CDIN1: variants seen among roughly 807,000 people sequenced by gnomAD.
CDIN1 encodes CDAN1-interacting nuclease 1.
In CDIN1, 33 loss-of-function variants were observed where a neutral mutation model predicts 45.3. That is an observed-to-expected ratio of 0.73 (90% CI 0.55 to 0.97). The LOEUF is 0.97. Among genes scored for constraint, CDIN1 ranks in the 50% least tolerant of loss-of-function variants. The pLI is 0.00. For missense variants in CDIN1, 303 were observed against 339.4 expected (o/e 0.89, Z 0.84); for synonymous variants, 118 against 124.4 (o/e 0.95, Z 0.34).
chr15:36,663,638 G>T (rs568865169), intron 5 of CDIN1, among the ~76,000 whole-genome samples: 1 of 152,074 alleles, frequency 6.6e-6, no homozygotes, highest in Non-Finnish European at 1.5e-5. Flanking sequence ...CACCATCATC[G>T]TGCTGAACTG....
chr15:36,709,135 TA>T, intron 8 of CDIN1, 87 bp from the exon 9 acceptor site: 2 of 1,109,632 alleles, frequency 1.8e-6, no homozygotes, highest in Non-Finnish European at 2.5e-6. Context: ...TAGTAATTTT[TA>T]TACATATTTA....
chr15:36,584,359 TG>T (rs747792547), intron 1 of CDIN1, among the ~76,000 whole-genome samples: 5 of 152,136 alleles, frequency 3.3e-5, no homozygotes, highest in Non-Finnish European at 5.9e-5. Context: ...TGCTTAAGCC[TG>T]GGAGTTTGAG....
At chr15:36,793,424 G>A (rs1406598175) in intron 10 of CDIN1, among the ~76,000 whole-genome samples, 2 of 152,072 alleles carry the variant, frequency 1.3e-5, no homozygotes, top group Admixed American at 6.6e-5. Context: ...AGTCCCTCCC[G>A]TGTTATCTTA....
chr15:36,696,289 C>T (rs1255413021), intron 7 of CDIN1: 1 of 152,228 alleles, frequency 6.6e-6, no homozygotes, highest in African/African-American at 2.4e-5. Flanking sequence ...CCTCTGTACC[C>T]ACACCCTAAT....
rs778988517 is a variant in CDIN1 at position 36,659,966 on chromosome 15, C to CT, written c.346+2079dup. 5.0e-3 allele frequency among the ~76,000 whole-genome samples: 524 copies of CT among 105,118 alleles called. 12 individuals carry two copies. The highest frequency in any genetic ancestry group is 0.018 in the African/African-American group (495 of 27,914). The allele number at this position is 105,118 out of a possible 152,430, so 69.0% of individuals were successfully genotyped here. On this transcript the variant is annotated intron_variant, in intron 5 of 10. Transcript: ENST00000566621. ...TCATTCTCTCTTTTTCCTTCCTTTT[C>CT]TTTTTTTTTTTTTTTTTTCTTAAAG...
chr15:36,652,663 A>G (rs2040620037), intron 3 of CDIN1, among the ~76,000 whole-genome samples: 1 of 152,206 alleles, frequency 6.6e-6, no homozygotes, highest in Non-Finnish European at 1.5e-5. Context: ...TAATACATTC[A>G]AGGGTGGCCC....
Position 36,656,315 on chromosome 15 carries a change from G to A in CDIN1, c.274-1518G>A, listed in dbSNP as rs562490296. Among the ~76,000 whole-genome samples, 6 of 152,260 alleles carry A rather than the reference G, an allele frequency of 3.9e-5. No homozygotes were observed. In the South Asian group the frequency reaches 1.2e-3, roughly 32 times the overall value. ...ATATAGCATTGGTACATTACAGGGT[G>A]CAGCAACTCTCTTAGACAAGAGCAT... On this transcript the variant is annotated intron_variant, in intron 4 of 10. Transcript: ENST00000566621.
intron 10 of CDIN1, among the ~76,000 whole-genome samples, chr15:36,776,865 C>T (rs1337336726): frequency 6.6e-6 from 1 of 151,976 alleles, no homozygotes; most frequent in African/African-American, 2.4e-5. Flanking sequence ...CCATTTTGAA[C>T]GTTTTCTAAA....
At chr15:36,769,099 C>T (rs1200455120) in intron 10 of CDIN1, among the ~76,000 whole-genome samples, 1 of 152,220 alleles carries the variant, frequency 6.6e-6, no homozygotes, top group East Asian at 1.9e-4. Context: ...ATAAGCCCCA[C>T]ACACCCTAAA....
intron 1 of CDIN1, among the ~76,000 whole-genome samples, chr15:36,630,765 A>G (rs1439303906): frequency 6.6e-6 from 1 of 152,150 alleles, no homozygotes; most frequent in Admixed American, 6.5e-5. Context: ...GCTTCTATTC[A>G]TGGTGGAAGG....
chr15:36,747,555 A>T (rs1052066536), intron 10 of CDIN1, among the ~76,000 whole-genome samples: 1 of 152,220 alleles, frequency 6.6e-6, no homozygotes, highest in African/African-American at 2.4e-5. Context: ...TAGTCTTCTT[A>T]GAGCTAGCCA....
At chr15:36,591,620 G>A (rs1042495747) in intron 1 of CDIN1, among the ~76,000 whole-genome samples, 1 of 152,140 alleles carries the variant, frequency 6.6e-6, no homozygotes, top group Admixed American at 6.5e-5. Context: ...GCATGTTGGT[G>A]GGTGCACTTG....
chr15:36,686,327 G>A (rs1013970690), intron 5 of CDIN1, among the ~76,000 whole-genome samples: 30 of 146,412 alleles, frequency 2.0e-4, no homozygotes, highest in African/African-American at 3.0e-4. Context: ...AACAAACACC[G>A]CATATTCTCA....
At chr15:36,596,840 CAGA>C (rs1019807656) in intron 1 of CDIN1, among the ~76,000 whole-genome samples, 2 of 152,094 alleles carry the variant, frequency 1.3e-5, no homozygotes, top group Admixed American at 6.5e-5. Context: ...CTCATGTTCA[CAGA>C]AGAAGAAGCT....
intron 1 of CDIN1, among the ~76,000 whole-genome samples, chr15:36,624,232 A>G: frequency 6.6e-6 from 1 of 152,236 alleles, no homozygotes; most frequent in South Asian, 2.1e-4. Context: ...CTTAAGACAC[A>G]TAGAGAAACA....
chr15:36,609,617 T>C (rs904979907), intron 1 of CDIN1, among the ~76,000 whole-genome samples: 1 of 152,138 alleles, frequency 6.6e-6, no homozygotes, highest in Non-Finnish European at 1.5e-5. Context: ...TAACCAGATA[T>C]GGTTTATGAA....
intron 5 of CDIN1, chr15:36,669,186 A>G (rs1456033150): frequency 6.6e-6 from 1 of 152,132 alleles, no homozygotes; most frequent in Non-Finnish European, 1.5e-5. Flanking sequence ...CTAATTTATT[A>G]TATCTTATAG....
intron 1 of CDIN1, among the ~76,000 whole-genome samples, chr15:36,629,775 G>A (rs1439440120): frequency 6.6e-6 from 1 of 152,184 alleles, no homozygotes; most frequent in Non-Finnish European, 1.5e-5. Context: ...AATTGGTGAG[G>A]AGAGGCGGGT....
At chr15:36,757,692 A>G (rs1365043040) in intron 10 of CDIN1, among the ~76,000 whole-genome samples, 1 of 151,926 alleles carries the variant, frequency 6.6e-6, no homozygotes, top group African/African-American at 2.4e-5. Flanking sequence ...TCTGCTCCTG[A>G]CATCTAGACA....
Sources: allele counts gnomAD v4.1 joint callset (sites outside exome capture counted in the v4.1 genomes callset), GRCh38; gene constraint gnomAD v4.1.1; transcripts MANE v1.5; gene names NCBI Gene and HGNC (gene_info 2026-07-23, HGNC 2026-07-21).